CHM: variants seen among roughly 807,000 people sequenced by gnomAD.
CHM encodes rab proteins geranylgeranyltransferase component A 1.
A neutral mutation model predicts 49.0 loss-of-function variants in CHM; 10 were observed. The observed-to-expected ratio is 0.20, with a 90% confidence interval of 0.13 to 0.35. The LOEUF (loss-of-function observed/expected upper bound fraction) is 0.35. CHM is among the 10% of genes least tolerant of loss of function. CHM has a pLI of 1.00. For synonymous variants in CHM, 184 were observed against 167.5 expected, an observed-to-expected ratio of 1.10 and a Z score of -0.76; for missense variants, 455 against 478.4, an observed-to-expected ratio of 0.95 and a Z score of 0.46.
At chrX:86,044,082 G>T (rs1934575266) in intron 1 of CHM, among the ~76,000 whole-genome samples, 1 of 111,811 alleles carries the variant, frequency 8.9e-6, no homozygotes, top group South Asian at 3.7e-4. Context: ...GCAATGAAAA[G>T]CCTACATTGT....
intron 4 of CHM, among the ~76,000 whole-genome samples, chrX:85,977,632 C>T (rs1931348633): frequency 8.9e-6 from 1 of 112,022 alleles, no homozygotes; most frequent in Admixed American, 9.5e-5. Context: ...AAGAAAGTTA[C>T]CAAATATTTA....
intron 6 of CHM, 42 bp from the exon 7 acceptor site, chrX:85,958,017 A>G (rs1354140292): frequency 8.4e-7 from 1 of 1,192,704 alleles, no homozygotes; most frequent in Non-Finnish European, 1.1e-6. Flanking sequence ...CTGCTTCCTA[A>G]TGATATAACT....
intron 2 of CHM, among the ~76,000 whole-genome samples, chrX:86,019,039 AT>A (rs1246746863): frequency 1.8e-5 from 2 of 111,906 alleles, no homozygotes; most frequent in Non-Finnish European, 3.8e-5. Context: ...TGGAGAATGT[AT>A]AAAAGGTAAC....
chrX:85,977,570 T>C (rs1340331413), intron 4 of CHM, among the ~76,000 whole-genome samples: 1 of 112,539 alleles, frequency 8.9e-6, no homozygotes, highest in Non-Finnish European at 1.9e-5. Context: ...AGTGTGACTG[T>C]CACTATATTG....
intron 1 of CHM, 106 bp from the exon 2 acceptor site, chrX:86,027,663 AG>A (rs1357776072): frequency 1.6e-6 from 1 of 611,746 alleles, no homozygotes; most frequent in Non-Finnish European, 2.7e-6. Flanking sequence ...ACCACCAAAG[AG>A]ACCCATCCTT....
chrX:85,945,498 A>G (rs1349016239), intron 8 of CHM, among the ~76,000 whole-genome samples: 1 of 103,017 alleles, frequency 9.7e-6, no homozygotes, highest in African/African-American at 3.6e-5. Context: ...AGCTTCTGTC[A>G]TAATTGTAAG....
At position 85,963,647 on chromosome X, in the gene CHM, G is replaced by A; in HGVS notation, c.702+18C>T. The A allele has an allele frequency of 8.4e-7, 1 of 1,187,390 alleles. No homozygotes were observed. Among genetic ancestry groups the A allele is most frequent in the Non-Finnish European group, 1.1e-6 (1 of 876,852 alleles). On this transcript the variant is annotated intron_variant, in intron 5 of 14. Coordinates refer to ENST00000357749, the MANE Select transcript of CHM (RefSeq NM_000390.4). ...AGATACTGTTTTCAATGCAAAGATG[G>A]GTAAAATTAGTACTTACCTTTGATA...
intron 8 of CHM, among the ~76,000 whole-genome samples, chrX:85,934,642 C>T (rs1401276278): frequency 9.1e-6 from 1 of 110,208 alleles, no homozygotes; most frequent in African/African-American, 3.3e-5. Context: ...GCATAGTATT[C>T]CACGGTGTAT....
At chrX:85,872,337 C>T (rs1403987279) in intron 14 of CHM, among the ~76,000 whole-genome samples, 1 of 111,999 alleles carries the variant, frequency 8.9e-6, no homozygotes, top group Admixed American at 9.5e-5. Flanking sequence ...TGTTTGTTTT[C>T]GTCCTGTCCA....
chrX:86,021,126 G>GTATATATA (rs3078128), intron 2 of CHM, among the ~76,000 whole-genome samples: 3,640 of 55,622 alleles, frequency 0.065, 160 homozygotes, highest in East Asian at 0.11. Flanking sequence ...GTGTATATAC[G>GTATATATA]TATATATATA....
intron 13 of CHM, among the ~76,000 whole-genome samples, chrX:85,876,326 T>A (rs756041173): frequency 1.8e-5 from 2 of 111,919 alleles, no homozygotes; most frequent in Admixed American, 1.9e-4. Flanking sequence ...CTTTGGTACA[T>A]GTTTTAAACT....
intron 11 of CHM, among the ~76,000 whole-genome samples, 191 bp from the exon 12 acceptor site, chrX:85,894,475 T>C (rs1222449514): frequency 8.9e-6 from 1 of 111,947 alleles, no homozygotes; most frequent in Non-Finnish European, 1.9e-5. Flanking sequence ...ATAATTCTCA[T>C]AGATAATAAC....
intron 2 of CHM, among the ~76,000 whole-genome samples, chrX:86,000,860 A>G (rs1345404924): frequency 2.7e-5 from 3 of 111,766 alleles, no homozygotes; most frequent in Admixed American, 9.5e-5. Context: ...AGGGGAGCAG[A>G]GGGCATGAAG....
At chrX:85,928,170 A>C (rs929345612) in intron 8 of CHM, among the ~76,000 whole-genome samples, 3 of 112,444 alleles carry the variant, frequency 2.7e-5, no homozygotes, top group African/African-American at 9.7e-5. Flanking sequence ...GGACACAATG[A>C]AAGTGTCTCT....
At chrX:85,991,661 A>C (rs1435784546) in intron 2 of CHM, among the ~76,000 whole-genome samples, 2 of 111,884 alleles carry the variant, frequency 1.8e-5, no homozygotes, top group Non-Finnish European at 3.8e-5. Context: ...ATGGCTTCTC[A>C]GCACGATTAA....
At chrX:85,923,030 T>G (rs1305985772) in intron 8 of CHM, among the ~76,000 whole-genome samples, 2 of 111,788 alleles carry the variant, frequency 1.8e-5, no homozygotes, top group East Asian at 5.6e-4. Context: ...TCACTAGAAG[T>G]CAAGTGTATA....
intron 12 of CHM, among the ~76,000 whole-genome samples, chrX:85,884,899 T>C (rs1603238559): frequency 9.0e-6 from 1 of 111,202 alleles, no homozygotes; most frequent in African/African-American, 3.3e-5. Context: ...CTGAGAATTA[T>C]ACATTTTATC....
chrX:85,956,116 C>T (rs1183123659), intron 8 of CHM, 37 bp downstream of exon 8: 3 of 1,143,383 alleles, frequency 2.6e-6, no homozygotes, highest in Non-Finnish European at 3.6e-6. Flanking sequence ...TCAAGTATCA[C>T]TTTTAGAAGG....
intron 8 of CHM, among the ~76,000 whole-genome samples, chrX:85,954,478 A>C (rs1406643671): frequency 8.9e-6 from 1 of 111,950 alleles, no homozygotes; most frequent in African/African-American, 3.2e-5. Flanking sequence ...TACATACCAC[A>C]TTTGTCGCAG....
Sources: gnomAD v4.1 joint callset for allele counts (sites outside exome capture counted in the v4.1 genomes callset) on GRCh38, gnomAD v4.1.1 for gene constraint, MANE v1.5 for transcripts, NCBI Gene and HGNC (gene_info 2026-07-23, HGNC 2026-07-21) for gene names.